Variants in CPZ observed in about 807,000 individuals in gnomAD.
CPZ encodes the protein carboxypeptidase Z.
In CPZ, 103 loss-of-function variants were observed where a neutral mutation model predicts 61.8. The ratio of observed to expected loss-of-function variants is 1.67; its 90% CI spans 1.42 to 1.96. The LOEUF (loss-of-function observed/expected upper bound fraction) is 1.96, where lower values mean the gene tolerates loss of function less well. Ranked by LOEUF, CPZ falls within the 30% of genes most tolerant of loss-of-function variation. The pLI, the probability that CPZ is intolerant of heterozygous loss-of-function variation, is 0.00. For synonymous variants in CPZ, 551 were observed against 373.7 expected (o/e 1.47, Z -5.47); for missense variants, 1,461 against 914.9 (o/e 1.60, Z -7.70).
At chr4:8,616,741 A>C (rs568294620) in intron 9 of CPZ, among the ~76,000 whole-genome samples, 15 of 152,314 alleles carry the variant, frequency 9.8e-5, no homozygotes, top group South Asian at 4.1e-4. Flanking sequence ...GTTTCTCTTC[A>C]TCACCTCTCA....
intron 7 of CPZ, 39 bp from the exon 8 acceptor site, chr4:8,611,988 G>T: frequency 6.2e-7 from 1 of 1,613,220 alleles, no homozygotes; most frequent in Non-Finnish European, 8.5e-7. Context: ...ACGTCCTGCA[G>T]GGGACCCTTT....
chr4:8,616,519 CCCTGGGGT>C, intron 9 of CPZ, among the ~76,000 whole-genome samples: 1 of 152,284 alleles, frequency 6.6e-6, no homozygotes, highest in East Asian at 1.9e-4. Flanking sequence ...GGCCGTGGGG[CCCTGGGGT>C]AGGCCCCCAG....
At chr4:8,609,888 G>T (rs892444000) in intron 7 of CPZ, among the ~76,000 whole-genome samples, 6 of 152,342 alleles carry the variant, frequency 3.9e-5, no homozygotes, top group African/African-American at 1.4e-4. Context: ...AGAGGGGCTG[G>T]CTGGGGTGTG....
At chr4:8,611,572 T>C (rs1350701699) in intron 7 of CPZ, among the ~76,000 whole-genome samples, 3 of 152,084 alleles carry the variant, frequency 2.0e-5, no homozygotes, top group South Asian at 2.1e-4. Flanking sequence ...GGGTGGGGAA[T>C]GAAGCAGTGA....
In CPZ at chr4:8,605,962, G is replaced by T. The variant is rs1325602972; in HGVS notation, c.710-27G>T. ...TGGGGACCCCCGGCTTTGAGATGAT[G>T]CCCCAAGTCTCTGTATTTGCCCCCA... On this transcript the variant is annotated intron_variant, in intron 4 of 10. Coordinates refer to ENST00000360986, the MANE Select transcript of CPZ (RefSeq NM_001014447.3). The T allele has an allele frequency of 9.4e-6, 15 of 1,598,268 alleles. No individual in the cohort carries two copies. In the South Asian group the frequency reaches 1.7e-4, roughly 18 times the overall value.
rs575799072 is a variant in CPZ at position 8,601,342 on chromosome 4, T to C, written c.341T>C (p.Val114Ala). Residue 114 changes from valine (V) to alanine (A), a missense_variant, in exon 3 of 11, where the codon GTG becomes GCG. Physicochemically the swap from Val to Ala is moderately conservative, Grantham distance 64. Coordinates refer to ENST00000360986, the MANE Select transcript of CPZ (RefSeq NM_001014447.3). ...GCCCCCCGGTGTGAGGGCGGCTGGG[T>C]GCGCAGACCCTGCCGGCACATCTGC... is the stretch of plus-strand genomic sequence containing the variant. The part of the protein sequence containing the change: ...VLAPRCEGGW[V>A]RRPCRHICEG... 3.1e-6 allele frequency: 5 copies of C among 1,605,124 alleles called. No homozygotes were observed. In the South Asian group the frequency reaches 3.3e-5, roughly 11 times the overall value.
At chr4:8,616,855 A>C (rs1384835127) in intron 9 of CPZ, among the ~76,000 whole-genome samples, 1 of 152,162 alleles carries the variant, frequency 6.6e-6, no homozygotes, top group Non-Finnish European at 1.5e-5. Context: ...TGTGGACAAG[A>C]GCATCCAGGG....
rs1019015029 is a variant in CPZ at position 8,600,901 on chromosome 4, T to A, written c.122-222T>A. Reference sequence around the variant, plus strand: ...TCAGGGCAGCCTGCTGCGGCTGGCTTGCTGGTGGGTAGTTGAATCTGGTTG... The same window carrying A: ...TCAGGGCAGCCTGCTGCGGCTGGCTAGCTGGTGGGTAGTTGAATCTGGTTG... On this transcript the variant is annotated intron_variant, in intron 2 of 10. Coordinates refer to ENST00000360986, the MANE Select transcript of CPZ (RefSeq NM_001014447.3). The A allele has an allele frequency of 2.4e-6, 3 of 1,272,202 alleles. No individual in the cohort carries two copies. In the South Asian group the frequency reaches 9.4e-5, roughly 40 times the overall value. The allele number at this position is 1,272,202 out of a possible 1,614,324, so 78.8% of individuals were successfully genotyped here. A position where few individuals can be genotyped will look rare whatever the true frequency, so the allele number is the denominator to read the frequency against.
At chr4:8,610,544 C>T (rs1317603654) in intron 7 of CPZ, among the ~76,000 whole-genome samples, 1 of 152,084 alleles carries the variant, frequency 6.6e-6, no homozygotes, top group African/African-American at 2.4e-5. Flanking sequence ...CCTCCTACCC[C>T]CCGAGGCTAC....
At chr4:8,608,842 A>G (rs1487336217) in intron 7 of CPZ, among the ~76,000 whole-genome samples, 1 of 152,150 alleles carries the variant, frequency 6.6e-6, no homozygotes, top group Non-Finnish European at 1.5e-5. Flanking sequence ...GGGGAGCCCC[A>G]GGGAGCCGGG....
intron 9 of CPZ, 88 bp from the exon 10 acceptor site, chr4:8,618,341 T>G (rs1410091939): frequency 6.2e-6 from 8 of 1,292,310 alleles, no homozygotes; most frequent in African/African-American, 1.5e-5. Flanking sequence ...TACCAAGCTC[T>G]GAGGAGCATG....
Position 8,601,306 on chromosome 4 carries a change from G to T in CPZ, c.305G>T (p.Cys102Phe). 6.2e-7 allele frequency: 1 copy of T among 1,612,372 alleles called. No homozygotes were observed. Among genetic ancestry groups the T allele is most frequent in the Non-Finnish European group, 8.5e-7 (1 of 1,179,180 alleles). ...AACCCGGACCTGCGGCTGCTGGGCT[G>T]TGCTGTGCTGGCCCCCCGGTGTGAG... ...QCNPDLRLLG[C>F]AVLAPRCEGG... Residue 102 changes from cysteine (C) to phenylalanine (F), a missense_variant, in exon 3 of 11, where the codon TGT (cysteine) becomes TTT (phenylalanine). Physicochemically the swap from Cys to Phe is radical, Grantham distance 205. Transcript: ENST00000360986.
intron 9 of CPZ, among the ~76,000 whole-genome samples, chr4:8,616,256 G>A (rs1716148959): frequency 6.6e-6 from 1 of 152,206 alleles, no homozygotes; most frequent in South Asian, 2.1e-4. Flanking sequence ...CCAGGCCTCG[G>A]GTGGGAGTCT....
At chr4:8,617,710 C>A (rs1164266127) in intron 9 of CPZ, among the ~76,000 whole-genome samples, 3 of 152,180 alleles carry the variant, frequency 2.0e-5, no homozygotes, top group Non-Finnish European at 4.4e-5. Flanking sequence ...CCTCTCCCCA[C>A]AGGCATCCTG....
chr4:8,601,007 G>A lies in CPZ; in HGVS notation c.122-116G>A, dbSNP rs925823246. On this transcript the variant is annotated intron_variant, in intron 2 of 10. Coordinates refer to ENST00000360986, the MANE Select transcript of CPZ (RefSeq NM_001014447.3). ...TGTCCTGGTCCTCCCCTGCCAGACC[G>A]TGGGTGCCCCTCCCTGCAGGCCCTG... 44 of 1,430,208 alleles carry A rather than the reference G, an allele frequency of 3.1e-5. 1 individual carries two copies. The African/African-American group carries it at 3.4e-4, about 11-fold the overall frequency. 88.6% of individuals were successfully genotyped at this position (1,430,208 alleles called of 1,614,324 possible).
chr4:8,616,326 G>A (rs575684420), intron 9 of CPZ, among the ~76,000 whole-genome samples: 2 of 152,290 alleles, frequency 1.3e-5, no homozygotes, highest in Middle Eastern at 3.4e-3. Flanking sequence ...CCAGAGAACC[G>A]CATGTGCCCT....
chr4:8,610,053 G>T (rs901170576), intron 7 of CPZ, among the ~76,000 whole-genome samples: 3 of 152,178 alleles, frequency 2.0e-5, no homozygotes, highest in African/African-American at 7.2e-5. Context: ...TGTCCTGCCT[G>T]CCAACCCCTT....
At chr4:8,593,024 C>T in intron 1 of CPZ, 103 bp downstream of exon 1, 1 of 895,220 alleles carries the variant, frequency 1.1e-6, no homozygotes, top group South Asian at 1.7e-5. Context: ...TCCAGTAGGT[C>T]ACGCGCCTAT....
chr4:8,618,592 G>A (rs771884433), intron 10 of CPZ, 64 bp downstream of exon 10: 5 of 1,475,282 alleles, frequency 3.4e-6, no homozygotes, highest in South Asian at 1.2e-5. Flanking sequence ...CACCGTGGCA[G>A]CCGGCACCCT....
Sources: gnomAD v4.1 joint callset for allele counts (sites outside exome capture counted in the v4.1 genomes callset) on GRCh38, gnomAD v4.1.1 for gene constraint, MANE v1.5 for transcripts, NCBI Gene and HGNC (gene_info 2026-07-23, HGNC 2026-07-21) for gene names.